The following SNAPC1 variants were observed in gnomAD, a reference collection of about 807,000 sequenced individuals.
SNAPC1 encodes small nuclear RNA activating complex polypeptide 1.
Under a neutral mutation model 50.1 loss-of-function variants are expected in SNAPC1, and 42 were observed. The ratio of observed to expected loss-of-function variants is 0.84; its 90% CI spans 0.65 to 1.08. SNAPC1 has a LOEUF of 1.08. Ranked by LOEUF, SNAPC1 falls within the 50% of genes least tolerant of loss-of-function variation. The pLI is 0.00. For synonymous variants in SNAPC1, 164 were observed against 144.2 expected (o/e 1.14, Z -0.98); for missense variants, 477 against 427.3 (o/e 1.12, Z -1.02).
chr14:61,790,063 C>T (rs772847842), intron 8 of SNAPC1, among the ~76,000 whole-genome samples: 9 of 152,074 alleles, frequency 5.9e-5, no homozygotes, highest in Non-Finnish European at 1.2e-4. Context: ...GTCTGAGCAC[C>T]TGGGAGGATA....
At chr14:61,778,014 A>G in intron 5 of SNAPC1, 58 bp from the exon 6 acceptor site, 1 of 768,372 alleles carries the variant, frequency 1.3e-6, no homozygotes, top group East Asian at 2.9e-5. Flanking sequence ...ATTTGCAGTT[A>G]ATTGAATTGT....
intron 5 of SNAPC1, among the ~76,000 whole-genome samples, chr14:61,776,873 T>G (rs2045038510): frequency 6.6e-6 from 1 of 152,240 alleles, no homozygotes; most frequent in African/African-American, 2.4e-5. Context: ...TTAGTTTATT[T>G]AACCAAAAGT....
intron 4 of SNAPC1, among the ~76,000 whole-genome samples, 153 bp downstream of exon 4, chr14:61,768,893 G>A (rs971539480): frequency 6.6e-6 from 1 of 152,100 alleles, no homozygotes; most frequent in African/African-American, 2.4e-5. Flanking sequence ...ACATAAAATA[G>A]CCTAAATATA....
At chr14:61,771,891 C>T (rs1423490027) in intron 4 of SNAPC1, among the ~76,000 whole-genome samples, 2 of 152,082 alleles carry the variant, frequency 1.3e-5, no homozygotes, top group Non-Finnish European at 2.9e-5. Context: ...TTTAAGAGAG[C>T]ATCATGGGGA....
chr14:61,789,542 C>A (rs2045138043), intron 8 of SNAPC1, among the ~76,000 whole-genome samples: 1 of 151,838 alleles, frequency 6.6e-6, no homozygotes. Context: ...CTTTAGTAAT[C>A]AGTAGAAATC....
At chr14:61,775,320 A>G (rs1022251612) in intron 4 of SNAPC1, among the ~76,000 whole-genome samples, 10 of 151,114 alleles carry the variant, frequency 6.6e-5, no homozygotes, top group Non-Finnish European at 1.0e-4. Context: ...TGGTGGTTCA[A>G]TCTTGGCTCA....
chr14:61,768,083 A>C (rs1390747656), intron 3 of SNAPC1, among the ~76,000 whole-genome samples: 4 of 152,214 alleles, frequency 2.6e-5, no homozygotes, highest in Non-Finnish European at 5.9e-5. Flanking sequence ...CCGGCCTTGT[A>C]GCTTTTTTAA....
intron 1 of SNAPC1, among the ~76,000 whole-genome samples, chr14:61,764,742 T>C (rs2044934463): frequency 6.6e-6 from 1 of 152,182 alleles, no homozygotes; most frequent in Non-Finnish European, 1.5e-5. Flanking sequence ...AGGGAGAACC[T>C]AAAATGATAA....
chr14:61,791,244 T>G (rs1168515101), intron 8 of SNAPC1, among the ~76,000 whole-genome samples: 1 of 151,834 alleles, frequency 6.6e-6, no homozygotes, highest in Non-Finnish European at 1.5e-5. Context: ...ACTCCTGACC[T>G]TGTGATCCAC....
intron 4 of SNAPC1, among the ~76,000 whole-genome samples, chr14:61,769,942 G>A (rs1033838666): frequency 1.3e-5 from 2 of 152,130 alleles, no homozygotes; most frequent in Admixed American, 6.5e-5. Context: ...ATAGAGAGGA[G>A]ACGAGAGGGT....
intron 9 of SNAPC1, among the ~76,000 whole-genome samples, chr14:61,794,240 T>C (rs559593507): frequency 7.2e-5 from 11 of 152,290 alleles, no homozygotes; most frequent in Non-Finnish European, 1.0e-4. Flanking sequence ...TGGGTTCATA[T>C]AATTATAGGG....
chr14:61,765,744 C>T (rs2044942658), intron 1 of SNAPC1, among the ~76,000 whole-genome samples: 1 of 152,064 alleles, frequency 6.6e-6, no homozygotes, highest in African/African-American at 2.4e-5. Context: ...ATGTACATTT[C>T]CTATGTTATT....
At chr14:61,770,536 G>T (rs1424464983) in intron 4 of SNAPC1, among the ~76,000 whole-genome samples, 2 of 152,104 alleles carry the variant, frequency 1.3e-5, no homozygotes, top group Non-Finnish European at 2.9e-5. Flanking sequence ...GAGCCACTGT[G>T]CCCGGTCGCC....
rs1222571556 is a variant in SNAPC1, at chr14:61,768,627, A to G, written c.430-9A>G. ...ATACTCATTTAAAAAGACACGTATTATCACATAGCTGTCATATAGGATGAA... is the reference window on the plus strand; with the variant it reads ...ATACTCATTTAAAAAGACACGTATTGTCACATAGCTGTCATATAGGATGAA... On this transcript the variant is annotated splice_polypyrimidine_tract_variant and intron_variant, in intron 3 of 9. Coordinates refer to ENST00000216294, the MANE Select transcript of SNAPC1 (RefSeq NM_003082.4). The G allele has an allele frequency of 5.6e-6, 8 of 1,430,314 alleles. No individual in the cohort carries two copies. Among genetic ancestry groups the G allele is most frequent in the Non-Finnish European group, 7.9e-6 (8 of 1,017,588 alleles). 88.6% of individuals were successfully genotyped at this position (1,430,314 alleles called of 1,614,324 possible).
chr14:61,791,472 TTAACA>T (rs2045151888), intron 8 of SNAPC1, among the ~76,000 whole-genome samples: 1 of 152,236 alleles, frequency 6.6e-6, no homozygotes, highest in African/African-American at 2.4e-5. Context: ...CACTGTATCC[TTAACA>T]TAATTTAATT....
intron 8 of SNAPC1, among the ~76,000 whole-genome samples, chr14:61,785,209 C>T (rs1027291102): frequency 5.9e-5 from 9 of 152,146 alleles, no homozygotes; most frequent in South Asian, 2.1e-4. Context: ...TCAAGACCAG[C>T]CTGGCCAACA....
chr14:61,788,067 A>ATATCT (rs60428206), intron 8 of SNAPC1, among the ~76,000 whole-genome samples: 53,218 of 151,832 alleles, frequency 0.35, 9,816 homozygotes, highest in African/African-American at 0.46. Flanking sequence ...ATCACCAATC[A>ATATCT]TAATTAGTTG....
intron 4 of SNAPC1, among the ~76,000 whole-genome samples, chr14:61,771,225 A>C (rs1361735950): frequency 2.0e-5 from 3 of 151,686 alleles, no homozygotes; most frequent in Non-Finnish European, 4.4e-5. Flanking sequence ...TTACTTCTAC[A>C]ACATTTCTGC....
intron 4 of SNAPC1, among the ~76,000 whole-genome samples, chr14:61,775,616 G>C (rs2045029874): frequency 6.6e-6 from 1 of 152,168 alleles, no homozygotes; most frequent in African/African-American, 2.4e-5. Flanking sequence ...TATGGGAACA[G>C]GCACATACGT....
Sources: gnomAD v4.1 joint callset for allele counts (sites outside exome capture counted in the v4.1 genomes callset) on GRCh38, gnomAD v4.1.1 for gene constraint, MANE v1.5 for transcripts, NCBI Gene and HGNC (gene_info 2026-07-23, HGNC 2026-07-21) for gene names.